Variants in PCDHA3 observed in about 807,000 individuals in gnomAD.
PCDHA3 encodes protocadherin alpha-3.
A neutral mutation model predicts 62.2 loss-of-function variants in PCDHA3; 41 were observed. The observed-to-expected ratio is 0.66, with a 90% CI of 0.51 to 0.86. The LOEUF (loss-of-function observed/expected upper bound fraction) is 0.86. Ranked by LOEUF, PCDHA3 falls within the 40% of genes least tolerant of loss-of-function variation. The pLI, the probability that PCDHA3 is intolerant of heterozygous loss-of-function variation, is 0.00. For synonymous variants in PCDHA3, 640 were observed against 555.4 expected, an observed-to-expected ratio of 1.15 and a Z score of -2.14; for missense variants, 1,304 against 1,241.2, an observed-to-expected ratio of 1.05 and a Z score of -0.76.
chr5:140,870,200 C>G lies in PCDHA3; in HGVS notation c.2394+66609C>G, dbSNP rs377755323. Reference sequence around the variant, plus strand: ...GTACGAGAGGACGCTCAGCCCAGCACGGTCATTGCCCTGATCAGCGTGTCT... The same window carrying G: ...GTACGAGAGGACGCTCAGCCCAGCAGGGTCATTGCCCTGATCAGCGTGTCT... On this transcript the variant is annotated intron_variant, in intron 1 of 3. Transcript: ENST00000522353. 7 of 1,614,056 alleles carry G rather than the reference C, an allele frequency of 4.3e-6. No homozygotes were observed. The African/African-American group carries it at 9.3e-5, about 22-fold the overall frequency.
At position 140,802,874 on chromosome 5, in the gene PCDHA3, C is replaced by A; in HGVS notation, c.1677C>A (p.Asn559Lys). ...VTLQVFVLDE[N>K]DNAPALLMPR... ...TGCAGGTGTTCGTGCTGGACGAGAA[C>A]GACAACGCGCCGGCACTGCTGATGC... is the stretch of plus-strand genomic sequence containing the variant. The change falls in exon 1 of 4, where the codon AAC (asparagine) becomes AAA (lysine). Residue 559 changes from asparagine (N) to lysine (K), a missense_variant. Asn to Lys is a moderately conservative substitution (Grantham distance 94, BLOSUM62 0). Transcript: ENST00000522353. 1.2e-6 allele frequency: 2 copies of A among 1,613,730 alleles called. No individual in the cohort carries two copies. The highest frequency in any genetic ancestry group is 1.7e-6 in the Non-Finnish European group (2 of 1,179,910).
chr5:140,836,092 T>C, intron 1 of PCDHA3: 2 of 1,613,516 alleles, frequency 1.2e-6, no homozygotes, highest in South Asian at 1.1e-5. Context: ...GCGCCTCGGG[T>C]GGGTGGCACT....
chr5:140,850,879 C>A (rs2150501286), intron 1 of PCDHA3: 1 of 1,586,914 alleles, frequency 6.3e-7, no homozygotes, highest in South Asian at 1.1e-5. Context: ...TCCTCAGATT[C>A]AACTGGGAAG....
In PCDHA3 at chr5:140,987,075, G is replaced by A. The variant is rs564788093; in HGVS notation, c.2542+4512G>A. On this transcript the variant is annotated intron_variant, in intron 3 of 3. Coordinates refer to ENST00000522353, the MANE Select transcript of PCDHA3 (RefSeq NM_018906.3). ...CTAAAGTTACAAAAATGAGCTGGGC[G>A]TGGTGGCAGGTGCCTGTAATCCCAG... is the stretch of plus-strand genomic sequence containing the variant. Among the ~76,000 whole-genome samples the A allele has an allele frequency of 3.7e-4, 57 of 152,124 alleles. No individual in the cohort carries two copies. In the East Asian group the frequency reaches 9.9e-3, roughly 26 times the overall value.
In PCDHA3 at chr5:140,856,803, A is replaced by C. The variant is rs782347816; in HGVS notation, c.2394+53212A>C. On this transcript the variant is annotated intron_variant, in intron 1 of 3. Coordinates refer to ENST00000522353, the MANE Select transcript of PCDHA3 (RefSeq NM_018906.3). ...CCGGTTTATGAAGTTAAGATGTATGAAAATCAAGTGAACCAAACATTAGTA... is the reference window on the plus strand; with the variant it reads ...CCGGTTTATGAAGTTAAGATGTATGCAAATCAAGTGAACCAAACATTAGTA... 9.4e-6 allele frequency: 15 copies of C among 1,595,568 alleles called. 2 individuals are homozygous for C. In the Admixed American group the frequency reaches 1.2e-4, roughly 13 times the overall value.
chr5:140,843,470 C>T (rs2150360769), intron 1 of PCDHA3: 2 of 1,596,070 alleles, frequency 1.3e-6, no homozygotes, highest in South Asian at 2.2e-5. Flanking sequence ...CACGCTGCTG[C>T]TGTACACTGC....
chr5:141,006,126 G>T (rs1554260581), intron 3 of PCDHA3, among the ~76,000 whole-genome samples: 1 of 151,330 alleles, frequency 6.6e-6, no homozygotes. Flanking sequence ...TTTTCTCAAG[G>T]CAGTAGAAAG....
At chr5:140,997,727 C>G (rs2097783097) in intron 3 of PCDHA3, among the ~76,000 whole-genome samples, 1 of 151,244 alleles carries the variant, frequency 6.6e-6, no homozygotes, top group Admixed American at 6.6e-5. Flanking sequence ...TACGTCAGTA[C>G]ATATAGATTT....
intron 1 of PCDHA3, chr5:140,863,494 C>A (rs1203332871): frequency 2.3e-5 from 10 of 442,506 alleles, no homozygotes; most frequent in African/African-American, 1.6e-4. Context: ...GTCAACATTA[C>A]GGCTTTTAGT....
chr5:140,961,135 A>T (rs1554225235), intron 1 of PCDHA3, among the ~76,000 whole-genome samples: 2 of 152,186 alleles, frequency 1.3e-5, no homozygotes, highest in African/African-American at 4.8e-5. Flanking sequence ...TTGGCACTTA[A>T]GAGTTGGCAT....
rs2150477897 is a variant in PCDHA3, at chr5:140,850,290, G to A, written c.2394+46699G>A. Reference sequence around the variant, plus strand: ...GGTGGGGAAGGTGCGCGCAGTGGACGCCGACTCGGGCTACAACGCGTGGCT... The same window carrying A: ...GGTGGGGAAGGTGCGCGCAGTGGACACCGACTCGGGCTACAACGCGTGGCT... On this transcript the variant is annotated intron_variant, in intron 1 of 3. Coordinates refer to ENST00000522353, the MANE Select transcript of PCDHA3 (RefSeq NM_018906.3). 4.4e-6 allele frequency: 7 copies of A among 1,595,816 alleles called. 1 individual carries two copies. The highest frequency in any genetic ancestry group is 6.0e-6 in the Non-Finnish European group (7 of 1,167,570).
rs782445556 is a variant in PCDHA3 at position 140,803,060 on chromosome 5, G to A, written c.1863G>A (p.Pro621=). Reference sequence around the variant, plus strand: ...CTGGGACCGGCGGTGCGCGCATCCCGTTTCGCGTGGGGCTGTACACGGGAG... The same window carrying A: ...CTGGGACCGGCGGTGCGCGCATCCCATTTCGCGTGGGGCTGTACACGGGAG... The part of the protein sequence containing the change: ...LQPGTGGARI[P]FRVGLYTGEI... Residue 621 remains proline (P), a synonymous_variant, in exon 1 of 4, where the codon CCG becomes CCA. Transcript: ENST00000522353. 1 of 1,613,976 alleles carries A rather than the reference G, an allele frequency of 6.2e-7. No homozygotes were observed. The highest frequency in any genetic ancestry group is 1.7e-5 in the Admixed American group (1 of 60,030).
chr5:140,818,472 A>T (rs1030442669), intron 1 of PCDHA3, among the ~76,000 whole-genome samples: 3 of 152,188 alleles, frequency 2.0e-5, no homozygotes, highest in African/African-American at 7.2e-5. Flanking sequence ...TCCTCCCACA[A>T]AGTTTTCACT....
At chr5:140,851,199 C>T in intron 1 of PCDHA3, 2 of 1,195,966 alleles carry the variant, frequency 1.7e-6, no homozygotes, top group Non-Finnish European at 2.1e-6. Context: ...AGTTGTTAGT[C>T]ATTCATTAAA....
intron 1 of PCDHA3, chr5:140,870,673 C>T (rs1554164562): frequency 1.9e-6 from 3 of 1,612,666 alleles, no homozygotes; most frequent in Non-Finnish European, 1.7e-6. Context: ...GCCGTTGGAC[C>T]ACGAGGAGCT....
chr5:140,818,971 T>G (rs1554127584), intron 1 of PCDHA3, among the ~76,000 whole-genome samples: 1 of 152,246 alleles, frequency 6.6e-6, no homozygotes, highest in East Asian at 1.9e-4. Flanking sequence ...AGGGATATGT[T>G]AGAACTATTC....
chr5:140,912,227 C>T (rs1422799663), intron 1 of PCDHA3, among the ~76,000 whole-genome samples: 1 of 151,784 alleles, frequency 6.6e-6, no homozygotes, highest in Non-Finnish European at 1.5e-5. Flanking sequence ...TTTCCCAGTC[C>T]ACTGACTCAA....
At chr5:140,969,342 G>A in intron 1 of PCDHA3, 1 of 1,613,630 alleles carries the variant, frequency 6.2e-7, no homozygotes, top group Non-Finnish European at 8.5e-7. Flanking sequence ...GTGAGACAGT[G>A]GTCAGGGGGT....
chr5:140,986,413 C>G (rs2097199513), intron 3 of PCDHA3, among the ~76,000 whole-genome samples: 1 of 152,156 alleles, frequency 6.6e-6, no homozygotes, highest in African/African-American at 2.4e-5. Context: ...TGTTACAGCT[C>G]TTTTTAACTT....
Sources: allele counts gnomAD v4.1 joint callset (sites outside exome capture counted in the v4.1 genomes callset), GRCh38; gene constraint gnomAD v4.1.1; transcripts MANE v1.5; gene names NCBI Gene and HGNC (gene_info 2026-07-23, HGNC 2026-07-21).